Variants in ATXN1 observed in about 807,000 individuals in gnomAD.
ATXN1 encodes the protein ataxin 1.
ATXN1 carries 8 observed loss-of-function variants against 56.4 expected under a neutral mutation model. The ratio of observed to expected loss-of-function variants is 0.14; its 90% confidence interval spans 0.08 to 0.26. The LOEUF (loss-of-function observed/expected upper bound fraction) is 0.26, where lower values mean the gene tolerates loss of function less well. Ranked by LOEUF, ATXN1 falls within the 10% of genes least tolerant of loss-of-function variation. The pLI is 1.00. For synonymous variants in ATXN1, 514 were observed against 494.6 expected (o/e 1.04, Z -0.52); for missense variants, 987 against 1,106.5 (o/e 0.89, Z 1.53).
At chr6:16,396,397 T>C (rs900801837) in intron 6 of ATXN1, among the ~76,000 whole-genome samples, 1 of 152,036 alleles carries the variant, frequency 6.6e-6, no homozygotes, top group African/African-American at 2.4e-5. Context: ...CTGGGCAACA[T>C]AGTGAGACTT....
At chr6:16,419,486 T>A (rs950108049) in intron 6 of ATXN1, among the ~76,000 whole-genome samples, 1 of 152,078 alleles carries the variant, frequency 6.6e-6, no homozygotes, top group African/African-American at 2.4e-5. Flanking sequence ...TTGAGTAATT[T>A]AAAATGCCCA....
intron 4 of ATXN1, among the ~76,000 whole-genome samples, chr6:16,571,459 A>G (rs776586092): frequency 6.6e-5 from 10 of 152,174 alleles, no homozygotes; most frequent in Non-Finnish European, 1.3e-4. Context: ...TGTCCGCTCT[A>G]CAAAAGATGT....
At chr6:16,446,000 T>G (rs1331465083) in intron 6 of ATXN1, among the ~76,000 whole-genome samples, 1 of 152,138 alleles carries the variant, frequency 6.6e-6, no homozygotes, top group East Asian at 1.9e-4. Context: ...GCATGTGTCT[T>G]TATTGCAGCA....
At position 16,542,274 on chromosome 6, in the gene ATXN1, CA is replaced by C. The variant is rs569915379; in HGVS notation, c.-360-19587del. On this transcript the variant is annotated intron_variant, in intron 4 of 7. Coordinates refer to ENST00000436367, the MANE Select transcript of ATXN1 (RefSeq NM_001128164.2). ...TAGCATCCACAATCTGCATTCACTC[CA>C]GATGAGATTTCATCACCGCATCCTA... is the stretch of plus-strand genomic sequence containing the variant. Among the ~76,000 whole-genome samples the C allele has an allele frequency of 2.0e-4, 31 of 152,320 alleles. No homozygotes were observed. In the South Asian group the frequency reaches 6.0e-3, roughly 30 times the overall value.
intron 2 of ATXN1, among the ~76,000 whole-genome samples, chr6:16,680,243 T>C (rs1347533113): frequency 2.6e-5 from 4 of 152,172 alleles, no homozygotes; most frequent in African/African-American, 7.2e-5. Context: ...TTGGCCTGTG[T>C]AGAGGGTCAG....
intron 3 of ATXN1, among the ~76,000 whole-genome samples, chr6:16,590,844 ATTTTTTTT>A (rs59157013): frequency 7.4e-6 from 1 of 135,770 alleles, no homozygotes; most frequent in Non-Finnish European, 1.6e-5. Flanking sequence ...TAATTTTTTA[ATTTTTTTT>A]TTTTTTTGAA....
intron 6 of ATXN1, among the ~76,000 whole-genome samples, chr6:16,434,288 C>T (rs1488709388): frequency 6.6e-6 from 1 of 152,198 alleles, no homozygotes; most frequent in South Asian, 2.1e-4. Flanking sequence ...AATCAATCAA[C>T]CCCTTTCCTT....
rs537089147 is a variant in ATXN1 at position 16,711,202 on chromosome 6, G to C, written c.-615+42031C>G. The stretch of plus-strand genomic sequence containing the variant: ...AGGAAAAAAAATCACTTCAATAATT[G>C]TTGTTTCATACATTTTAATAAAAAC... On this transcript the variant is annotated intron_variant, in intron 2 of 7. Transcript: ENST00000436367. Among the ~76,000 whole-genome samples, 128 of 152,256 alleles carry C rather than the reference G, an allele frequency of 8.4e-4. 1 individual carries two copies. Among genetic ancestry groups the C allele is most frequent in the African/African-American group, 3.0e-3 (125 of 41,552 alleles).
intron 2 of ATXN1, among the ~76,000 whole-genome samples, chr6:16,734,664 T>C (rs1277279888): frequency 3.3e-5 from 5 of 152,108 alleles, no homozygotes; most frequent in South Asian, 4.1e-4. Context: ...TGTGCTAATT[T>C]TTGTATTTTA....
intron 2 of ATXN1, among the ~76,000 whole-genome samples, chr6:16,664,428 G>T (rs747259952): frequency 4.1e-4 from 62 of 152,082 alleles, no homozygotes; most frequent in Non-Finnish European, 9.0e-4. Context: ...ATACCAGCCG[G>T]TACGTTCCAT....
At chr6:16,422,945 G>GTA (rs1345003126) in intron 6 of ATXN1, among the ~76,000 whole-genome samples, 1 of 152,192 alleles carries the variant, frequency 6.6e-6, no homozygotes, top group Admixed American at 6.5e-5. Context: ...TTTATTTTCA[G>GTA]TAAGGTGCTT....
intron 4 of ATXN1, among the ~76,000 whole-genome samples, chr6:16,575,225 T>C (rs1035004553): frequency 6.7e-6 from 1 of 149,558 alleles, no homozygotes; most frequent in South Asian, 2.1e-4. Context: ...GAATTTCCTG[T>C]TTCTGCATAT....
chr6:16,348,362 G>A (rs2113455480), intron 6 of ATXN1, among the ~76,000 whole-genome samples: 1 of 152,216 alleles, frequency 6.6e-6, no homozygotes, highest in South Asian at 2.1e-4. Flanking sequence ...ACAGCACCGG[G>A]CCCATTCAAC....
chr6:16,308,024 G>A (rs1431369675), intron 7 of ATXN1, among the ~76,000 whole-genome samples: 2 of 151,982 alleles, frequency 1.3e-5, no homozygotes, highest in African/African-American at 4.8e-5. Context: ...TGTGGTGGTG[G>A]GCCCCTATAA....
intron 4 of ATXN1, among the ~76,000 whole-genome samples, chr6:16,536,830 C>A (rs899527011): frequency 3.3e-5 from 5 of 152,204 alleles, no homozygotes; most frequent in Admixed American, 1.3e-4. Flanking sequence ...GCTTTATATT[C>A]CACATGGACC....
At chr6:16,759,272 A>G (rs1425301721) in intron 1 of ATXN1, among the ~76,000 whole-genome samples, 1 of 152,268 alleles carries the variant, frequency 6.6e-6, no homozygotes, top group East Asian at 1.9e-4. Flanking sequence ...ATTTGCATAC[A>G]CACATTCCCG....
At chr6:16,439,788 G>A (rs1230835388) in intron 6 of ATXN1, among the ~76,000 whole-genome samples, 1 of 152,130 alleles carries the variant, frequency 6.6e-6, no homozygotes, top group East Asian at 1.9e-4. Context: ...AAAAATTAAA[G>A]TGGGGCCAGG....
Position 16,305,554 on chromosome 6 carries a change from TCCA to T in ATXN1, c.*772_*774del, listed in dbSNP as rs1052632021. 1.3e-5 allele frequency: 2 copies of T among 152,366 alleles called. No homozygotes were observed. Among genetic ancestry groups the T allele is most frequent in the East Asian group, 1.9e-4 (1 of 5,182 alleles). 9.4% of individuals were successfully genotyped at this position (152,366 alleles called of 1,614,324 possible). On this transcript the variant is annotated 3_prime_UTR_variant, in exon 8 of 8. Coordinates refer to ENST00000436367, the MANE Select transcript of ATXN1 (RefSeq NM_001128164.2). ...GGCCATGACAGCAGGGGCTTCCCTG[TCCA>T]CCACAACACCCTGGTGACATCGCTG...
rs537410517 is a variant in ATXN1 at position 16,503,808 on chromosome 6, T to C, written c.-298-17699A>G. Reference sequence around the variant, plus strand: ...TATGTAAATATACATATATATTACATATATACTTCTAAAAATTGTGGTAAA... The same window carrying C: ...TATGTAAATATACATATATATTACACATATACTTCTAAAAATTGTGGTAAA... On this transcript the variant is annotated intron_variant, in intron 5 of 7. Coordinates refer to ENST00000436367, the MANE Select transcript of ATXN1 (RefSeq NM_001128164.2). Among the ~76,000 whole-genome samples, 224 of 152,276 alleles carry C rather than the reference T, an allele frequency of 1.5e-3. 2 individuals are homozygous for C. The highest frequency in any genetic ancestry group is 5.2e-3 in the African/African-American group (215 of 41,550).
Sources: allele counts gnomAD v4.1 joint callset (sites outside exome capture counted in the v4.1 genomes callset), GRCh38; gene constraint gnomAD v4.1.1; transcripts MANE v1.5; gene names NCBI Gene and HGNC (gene_info 2026-07-23, HGNC 2026-07-21).